Variants in MAPKAPK5 observed in about 807,000 individuals in gnomAD.
MAPKAPK5 encodes the protein MAP kinase-activated protein kinase 5.
MAPKAPK5 carries 30 observed loss-of-function variants against 65.1 expected under a neutral mutation model. The observed-to-expected ratio is 0.46, with a 90% CI of 0.34 to 0.63. MAPKAPK5 has a LOEUF of 0.63. MAPKAPK5 is among the 20% of genes least tolerant of loss of function. The pLI is 0.01. For missense variants in MAPKAPK5, 433 were observed against 581.4 expected, an observed-to-expected ratio of 0.74 and a Z score of 2.63; for synonymous variants, 179 against 204.6, an observed-to-expected ratio of 0.87 and a Z score of 1.07.
At chr12:111,843,068 A>C (rs991298895) in intron 1 of MAPKAPK5, 3 of 391,898 alleles carry the variant, frequency 7.7e-6, no homozygotes, top group Admixed American at 4.4e-5. Flanking sequence ...AGAGAGCCCT[A>C]CTACTACTAC....
chr12:111,870,846 A>T (rs1311008422), intron 6 of MAPKAPK5, among the ~76,000 whole-genome samples: 2 of 152,108 alleles, frequency 1.3e-5, no homozygotes, highest in African/African-American at 2.4e-5. Flanking sequence ...TGCCCTTACA[A>T]GTTCTAAAGC....
At position 111,870,289 on chromosome 12, in the gene MAPKAPK5, C is replaced by T; in HGVS notation, c.412C>T (p.His138Tyr). ...VTKQIALALR[H>Y]CHLLNIAHRD... ...TTTTCAGATAGCTTTGGCTCTGCGG[C>T]ACTGTCACTTGTTAAACATTGCGCA... is the stretch of plus-strand genomic sequence containing the variant. The change falls in exon 6 of 14, where the codon CAC (histidine) becomes TAC (tyrosine). Residue 138 changes from histidine to tyrosine, a missense_variant. By Grantham distance (83) the His-to-Tyr change is moderately conservative. Coordinates refer to ENST00000550735, the MANE Select transcript of MAPKAPK5 (RefSeq NM_003668.4). The T allele has an allele frequency of 6.2e-7, 1 of 1,606,680 alleles. No individual in the cohort carries two copies. Among genetic ancestry groups the T allele is most frequent in the African/African-American group, 1.3e-5 (1 of 74,962 alleles).
chr12:111,900,369 G>C lies in MAPKAPK5; in HGVS notation c.*7308G>C, dbSNP rs1398751487. On this transcript the variant is annotated 3_prime_UTR_variant, in exon 14 of 14. Transcript: ENST00000550735. ...TGCAGCCCTGATGGCCCATGAGCTC[G>C]GGCACAACCTGGGTATTCAGCACGA... The C allele has an allele frequency of 2.2e-6, 1 of 456,030 alleles. No homozygotes were observed. The highest frequency in any genetic ancestry group is 6.9e-5 in the East Asian group (1 of 14,396). The allele number at this position is 456,030 out of a possible 1,614,324, so 28.2% of individuals were successfully genotyped here. A position where few individuals can be genotyped will look rare whatever the true frequency, so the allele number is the denominator to read the frequency against.
intron 7 of MAPKAPK5, among the ~76,000 whole-genome samples, chr12:111,875,474 C>G (rs2069932919): frequency 6.6e-6 from 1 of 152,112 alleles, no homozygotes; most frequent in East Asian, 1.9e-4. Context: ...CAGAGGGGAT[C>G]TCTCTTTACA....
Position 111,891,637 on chromosome 12 carries a change from C to CAAA in MAPKAPK5, c.1322-1312_1322-1310dup, listed in dbSNP as rs78504500. Among the ~76,000 whole-genome samples the CAAA allele has an allele frequency of 7.2e-3, 623 of 86,198 alleles. 10 individuals are homozygous for CAAA. Among genetic ancestry groups the CAAA allele is most frequent in the African/African-American group, 0.019 (470 of 24,646 alleles). The allele number at this position is 86,198 out of a possible 152,430, so 56.5% of individuals were successfully genotyped here. On this transcript the variant is annotated intron_variant, in intron 13 of 13. Coordinates refer to ENST00000550735, the MANE Select transcript of MAPKAPK5 (RefSeq NM_003668.4). ...TGAAACCCCACCTCTACTAAAAATACAAAAAAAAAAAAAAAAAAAATTAGC... is the reference window on the plus strand; with the variant it reads ...TGAAACCCCACCTCTACTAAAAATACAAAAAAAAAAAAAAAAAAAAAAATTAGC...
At position 111,896,213 on chromosome 12, in the gene MAPKAPK5, A is replaced by C. The variant is rs2070808634; in HGVS notation, c.*3152A>C. The C allele has an allele frequency of 1.3e-5, 2 of 152,150 alleles. No individual in the cohort carries two copies. The highest frequency in any genetic ancestry group is 4.8e-5 in the African/African-American group (2 of 41,442). 9.4% of individuals were successfully genotyped at this position (152,150 alleles called of 1,614,324 possible). On this transcript the variant is annotated 3_prime_UTR_variant, in exon 14 of 14. Transcript: ENST00000550735. ...TATTTTTTCCTTCAGTGTATGCTGA[A>C]TTTTAGGTGCGATGGAAAAGGTATC...
chr12:111,847,711 C>T (rs1468287350), intron 1 of MAPKAPK5, among the ~76,000 whole-genome samples: 3 of 152,150 alleles, frequency 2.0e-5, no homozygotes, highest in Non-Finnish European at 1.5e-5. Flanking sequence ...TAGAGGCATG[C>T]AGCCATCATC....
chr12:111,857,887 TTTTGTGTGTGTGTG>T (rs2069295273), intron 1 of MAPKAPK5, among the ~76,000 whole-genome samples: 1 of 151,940 alleles, frequency 6.6e-6, no homozygotes, highest in Non-Finnish European at 1.5e-5. Context: ...CAGTGTTTTT[TTTTGTGTGTGTGTG>T]TTTGTGTGTG....
In MAPKAPK5 at chr12:111,888,963, C is replaced by T; in HGVS notation, c.1179C>T (p.Leu393=). 1 of 1,605,582 alleles carries T rather than the reference C, an allele frequency of 6.2e-7. No homozygotes were observed. Among genetic ancestry groups the T allele is most frequent in the Non-Finnish European group, 8.5e-7 (1 of 1,176,002 alleles). Residue 393 remains leucine (L), a synonymous_variant, in exon 12 of 14, where the codon CTC becomes CTT. Transcript: ENST00000550735. ...AEDSNVALEK[L]RDVIAQCILP... ...ATTCCAATGTTGCCTTGGAAAAACT[C>T]CGAGATGTGATTGCTCAGTGTATTC...
At chr12:111,859,938 C>A (rs2069377603) in intron 1 of MAPKAPK5, among the ~76,000 whole-genome samples, 1 of 152,078 alleles carries the variant, frequency 6.6e-6, no homozygotes, top group Non-Finnish European at 1.5e-5. Flanking sequence ...CGTGAGCCAC[C>A]GTGCCCAGCG....
chr12:111,846,954 A>G (rs933948618), intron 1 of MAPKAPK5, among the ~76,000 whole-genome samples: 4 of 152,168 alleles, frequency 2.6e-5, no homozygotes, highest in Admixed American at 1.3e-4. Flanking sequence ...AACAGTATGT[A>G]TAGGGCTCAC....
At position 111,900,064 on chromosome 12, in the gene MAPKAPK5, G is replaced by T. The variant is rs1017127558; in HGVS notation, c.*7003G>T. The T allele has an allele frequency of 4.4e-6, 2 of 455,972 alleles. No homozygotes were observed. Among genetic ancestry groups the T allele is most frequent in the Non-Finnish European group, 8.8e-6 (2 of 226,800 alleles). The allele number at this position is 455,972 out of a possible 1,614,324, so 28.2% of individuals were successfully genotyped here. On this transcript the variant is annotated 3_prime_UTR_variant, in exon 14 of 14. Coordinates refer to ENST00000550735, the MANE Select transcript of MAPKAPK5 (RefSeq NM_003668.4). ...GTGGATGTCATTGCTCTGGCCAACA[G>T]CTTCACTAGGGGAATAAACACAGAG...
At chr12:111,892,829 T>G (rs1318974670) in intron 13 of MAPKAPK5, 138 bp from the exon 14 acceptor site, 2 of 496,532 alleles carry the variant, frequency 4.0e-6, no homozygotes, top group Non-Finnish European at 7.2e-6. Context: ...GAACTGCTTT[T>G]GATCAGTGGT....
At chr12:111,873,580 T>G (rs1430939966) in intron 7 of MAPKAPK5, among the ~76,000 whole-genome samples, 1 of 152,184 alleles carries the variant, frequency 6.6e-6, no homozygotes, top group African/African-American at 2.4e-5. Flanking sequence ...CTTGACCTCG[T>G]GATCCGCCTG....
In MAPKAPK5 at chr12:111,901,085, T is replaced by TA; in HGVS notation, c.*8025dup. The TA allele has an allele frequency of 2.2e-6, 1 of 456,090 alleles. No homozygotes were observed. Among genetic ancestry groups the TA allele is most frequent in the South Asian group, 1.5e-5 (1 of 64,566 alleles). The allele number at this position is 456,090 out of a possible 1,614,324, so 28.3% of individuals were successfully genotyped here. On this transcript the variant is annotated 3_prime_UTR_variant, in exon 14 of 14. Coordinates refer to ENST00000550735, the MANE Select transcript of MAPKAPK5 (RefSeq NM_003668.4). ...GCTTACCAAAAATCAATCTCCAACA[T>TA]ACAATGATTCAGGTCCCTCAGGGAG... is the stretch of plus-strand genomic sequence containing the variant.
At position 111,898,780 on chromosome 12, in the gene MAPKAPK5, G is replaced by A. The variant is rs2070909527; in HGVS notation, c.*5719G>A. The A allele has an allele frequency of 6.6e-6, 1 of 152,078 alleles. No individual in the cohort carries two copies. The highest frequency in any genetic ancestry group is 2.4e-5 in the African/African-American group (1 of 41,368). 9.4% of individuals were successfully genotyped at this position (152,078 alleles called of 1,614,324 possible). A position where few individuals can be genotyped will look rare whatever the true frequency, so the allele number is the denominator to read the frequency against. On this transcript the variant is annotated 3_prime_UTR_variant, in exon 14 of 14. Coordinates refer to ENST00000550735, the MANE Select transcript of MAPKAPK5 (RefSeq NM_003668.4). ...GAAAACTGCAGAAATGAGGGAAAGA[G>A]GCAGTGGGCCACAAAGAACTTTGTC...
At chr12:111,877,795 C>G (rs1566260988) in intron 7 of MAPKAPK5, among the ~76,000 whole-genome samples, 1 of 152,182 alleles carries the variant, frequency 6.6e-6, no homozygotes, top group Non-Finnish European at 1.5e-5. Context: ...ATCCTCCCAC[C>G]TCAGCCTCCT....
In MAPKAPK5 at chr12:111,895,433, A is replaced by C. The variant is rs910002075; in HGVS notation, c.*2372A>C. On this transcript the variant is annotated 3_prime_UTR_variant, in exon 14 of 14. Transcript: ENST00000550735. ...GTTCCTTTTTATCTTGGAGAATTTA[A>C]TTGAAAGATATTTTTTGAGATAAAG... The C allele has an allele frequency of 6.6e-6, 1 of 151,476 alleles. No homozygotes were observed. The highest frequency in any genetic ancestry group is 1.5e-5 in the Non-Finnish European group (1 of 67,922). The allele number at this position is 151,476 out of a possible 1,614,324, so 9.4% of individuals were successfully genotyped here.
At chr12:111,884,197 C>A (rs1335061245) in intron 9 of MAPKAPK5, among the ~76,000 whole-genome samples, 1 of 152,072 alleles carries the variant, frequency 6.6e-6, no homozygotes, top group Non-Finnish European at 1.5e-5. Context: ...TGGACCCCAC[C>A]CTCCACCTTC....
Sources: gnomAD v4.1 joint callset for allele counts (sites outside exome capture counted in the v4.1 genomes callset) on GRCh38, gnomAD v4.1.1 for gene constraint, MANE v1.5 for transcripts, NCBI Gene and HGNC (gene_info 2026-07-23, HGNC 2026-07-21) for gene names.